The following CSMD1 variants were observed in gnomAD, a reference collection of about 807,000 sequenced individuals.
The protein encoded by CSMD1 is CUB and Sushi multiple domains 1.
CSMD1 carries 213 observed loss-of-function variants against 417.5 expected under a neutral mutation model. That is an observed-to-expected ratio of 0.51 (90% CI 0.46 to 0.57). The LOEUF (loss-of-function observed/expected upper bound fraction) is 0.57, where lower values mean the gene tolerates loss of function less well. Among genes scored for constraint, CSMD1 ranks in the 20% least tolerant of loss-of-function variants. The pLI, the probability that CSMD1 is intolerant of heterozygous loss-of-function variation, is 0.00. For missense variants in CSMD1, 6,923 were observed against 4,529.7 expected (o/e 1.53, Z -15.17); for synonymous variants, 2,862 against 1,736.8 (o/e 1.65, Z -16.11).
intron 50 of CSMD1, among the ~76,000 whole-genome samples, chr8:3,035,126 GTTCT>G (rs1327470969): frequency 6.6e-6 from 1 of 152,056 alleles, no homozygotes; most frequent in East Asian, 1.9e-4. Context: ...AAAACACTTG[GTTCT>G]TTCTAACAAA....
At position 4,820,331 on chromosome 8, in the gene CSMD1, G is replaced by A. The variant is rs116884185; in HGVS notation, c.85+174001C>T. Among the ~76,000 whole-genome samples the A allele has an allele frequency of 1.6e-4, 24 of 152,278 alleles. No individual in the cohort carries two copies. In the East Asian group the frequency reaches 3.7e-3, roughly 23 times the overall value. ...GCCATAGAAGCCTGAGTATTCAGAA[G>A]CATTATAAAAAGGTAAGAATGACTC... On this transcript the variant is annotated intron_variant, in intron 1 of 69. Transcript: ENST00000635120.
rs60411612 is a variant in CSMD1 at position 4,042,815 on chromosome 8, T to TAAAAAAAAAAAAAAAAAAAAAAAAA, written c.416-10741_416-10717dup. Among the ~76,000 whole-genome samples the TAAAAAAAAAAAAAAAAAAAAAAAAA allele has an allele frequency of 3.4e-4, 14 of 41,312 alleles. 4 individuals carry two copies. Among genetic ancestry groups the TAAAAAAAAAAAAAAAAAAAAAAAAA allele is most frequent in the African/African-American group, 4.8e-4 (5 of 10,346 alleles). 27.1% of individuals were successfully genotyped at this position (41,312 alleles called of 152,430 possible). ...CAATAGGTGAAGTGGTACAACATAT[T>TAAAAAAAAAAAAAAAAAAAAAAAAA]AAAAAAAAAAAAAAAAAAAAAAAAA... On this transcript the variant is annotated intron_variant, in intron 3 of 69. Transcript: ENST00000635120.
chr8:2,971,981 A>G (rs1386033616), intron 57 of CSMD1, among the ~76,000 whole-genome samples: 2 of 152,128 alleles, frequency 1.3e-5, no homozygotes, highest in Non-Finnish European at 2.9e-5. Flanking sequence ...TATTATATGC[A>G]TATATATACA....
intron 7 of CSMD1, among the ~76,000 whole-genome samples, chr8:3,704,068 C>G (rs1208920887): frequency 6.6e-6 from 1 of 152,040 alleles, no homozygotes; most frequent in Non-Finnish European, 1.5e-5. Context: ...GAAACTCCAT[C>G]TCAAAAAACA....
chr8:3,049,780 GTA>G (rs1351960913), intron 50 of CSMD1, among the ~76,000 whole-genome samples: 3 of 152,056 alleles, frequency 2.0e-5, no homozygotes, highest in Non-Finnish European at 2.9e-5. Context: ...GGTGATGATG[GTA>G]TGTCAATGTA....
At chr8:3,292,779 C>A (rs181508012) in intron 25 of CSMD1, among the ~76,000 whole-genome samples, 2 of 152,144 alleles carry the variant, frequency 1.3e-5, no homozygotes, top group Admixed American at 6.5e-5. Flanking sequence ...ACTTTTTATG[C>A]AATTTGCCAG....
intron 3 of CSMD1, among the ~76,000 whole-genome samples, chr8:4,358,807 G>C (rs545928202): frequency 1.3e-5 from 2 of 152,200 alleles, no homozygotes; most frequent in Admixed American, 6.5e-5. Flanking sequence ...GGGTAAACAA[G>C]TTATAAATCA....
chr8:3,905,879 C>G (rs190852905), intron 5 of CSMD1, among the ~76,000 whole-genome samples: 1 of 152,226 alleles, frequency 6.6e-6, no homozygotes, highest in Non-Finnish European at 1.5e-5. Flanking sequence ...CAGAAGGTTT[C>G]TGATCTCTTA....
intron 2 of CSMD1, among the ~76,000 whole-genome samples, chr8:4,535,255 ATGAAT>A (rs1490714962): frequency 6.6e-6 from 1 of 152,224 alleles, no homozygotes; most frequent in Non-Finnish European, 1.5e-5. Context: ...AATAATTTAA[ATGAAT>A]TTAATTTTAA....
intron 5 of CSMD1, among the ~76,000 whole-genome samples, chr8:3,940,497 C>CTGTGTGTGTGTGTG (rs34005059): frequency 4.1e-5 from 6 of 144,950 alleles, no homozygotes; most frequent in Non-Finnish European, 6.0e-5. Flanking sequence ...ATTATTTCCT[C>CTGTGTGTGTGTGTG]TGTGTGTGTG....
chr8:4,034,586 G>C (rs767980670), intron 3 of CSMD1, among the ~76,000 whole-genome samples: 11 of 152,084 alleles, frequency 7.2e-5, no homozygotes, highest in Non-Finnish European at 1.3e-4. Flanking sequence ...TTTTGACTCA[G>C]AATGCCTTGT....
intron 33 of CSMD1, among the ~76,000 whole-genome samples, chr8:3,196,924 G>A (rs73660606): frequency 2.0e-5 from 3 of 152,254 alleles, no homozygotes; most frequent in South Asian, 2.1e-4. Context: ...CCATGCTGAA[G>A]GGTTATCCCT....
intron 10 of CSMD1, among the ~76,000 whole-genome samples, chr8:3,521,266 G>T (rs1295618823): frequency 6.6e-6 from 1 of 152,062 alleles, no homozygotes; most frequent in Non-Finnish European, 1.5e-5. Context: ...CGTCCAATCT[G>T]CTTCCTCCCT....
chr8:4,545,558 A>G (rs1463699786), intron 2 of CSMD1, among the ~76,000 whole-genome samples: 1 of 152,186 alleles, frequency 6.6e-6, no homozygotes, highest in Non-Finnish European at 1.5e-5. Context: ...TAACACAAAA[A>G]TGAAAGGTTC....
At chr8:4,446,748 T>C (rs58297123) in intron 2 of CSMD1, among the ~76,000 whole-genome samples, 16,305 of 113,848 alleles carry the variant, frequency 0.14, 1,262 homozygotes, top group East Asian at 0.43. Context: ...TGTGTGTGTG[T>C]GTGTGTCTGT....
chr8:3,083,756 C>T (rs1375363722), intron 49 of CSMD1, among the ~76,000 whole-genome samples: 1 of 144,032 alleles, frequency 6.9e-6, no homozygotes. Flanking sequence ...CCTGCCTGGG[C>T]TCAAGTCATC....
At chr8:4,905,667 A>C (rs1805202838) in intron 1 of CSMD1, among the ~76,000 whole-genome samples, 1 of 151,734 alleles carries the variant, frequency 6.6e-6, no homozygotes, top group Non-Finnish European at 1.5e-5. Flanking sequence ...AAACTACAAA[A>C]AAATTAGCCG....
At position 3,783,415 on chromosome 8, in the gene CSMD1, C is replaced by T. The variant is rs982482880; in HGVS notation, c.819-29373G>A. Among the ~76,000 whole-genome samples, 4 of 152,280 alleles carry T rather than the reference C, an allele frequency of 2.6e-5. No homozygotes were observed. In the South Asian group the frequency reaches 6.2e-4, roughly 24 times the overall value. On this transcript the variant is annotated intron_variant, in intron 5 of 69. Coordinates refer to ENST00000635120, the MANE Select transcript of CSMD1 (RefSeq NM_033225.6). ...GTGACCCACGGCTGGCACAGTCAGG[C>T]GGCCCTGGGCGGCCCTATGCTGATG...
intron 5 of CSMD1, among the ~76,000 whole-genome samples, chr8:3,886,927 A>T (rs949126515): frequency 1.3e-5 from 2 of 152,094 alleles, no homozygotes; most frequent in Non-Finnish European, 2.9e-5. Context: ...TCATCAGGGG[A>T]CTCAGGTCAT....
Sources: gnomAD v4.1 joint callset for allele counts (sites outside exome capture counted in the v4.1 genomes callset) on GRCh38, gnomAD v4.1.1 for gene constraint, MANE v1.5 for transcripts, NCBI Gene and HGNC (gene_info 2026-07-23, HGNC 2026-07-21) for gene names.